MIPOL1: variants seen among roughly 807,000 people sequenced by gnomAD.
MIPOL1 encodes the protein mirror-image polydactyly 1, also known as mirror-image polydactyly gene 1 protein.
Under a neutral mutation model 60.9 loss-of-function variants are expected in MIPOL1, and 57 were observed. The ratio of observed to expected loss-of-function variants is 0.94; its 90% CI spans 0.76 to 1.17. The LOEUF (loss-of-function observed/expected upper bound fraction) is 1.17, where lower values mean the gene tolerates loss of function less well. Ranked by LOEUF, MIPOL1 falls within the 50% of genes most tolerant of loss-of-function variation. The pLI, the probability that MIPOL1 is intolerant of heterozygous loss-of-function variation, is 0.00. For synonymous variants in MIPOL1, 179 were observed against 168.8 expected (o/e 1.06, Z -0.47); for missense variants, 551 against 511.6 (o/e 1.08, Z -0.74).
At chr14:37,267,231 T>TAATCTC (rs1476228438) in intron 4 of MIPOL1, 62 bp downstream of exon 4, 3 of 1,267,324 alleles carry the variant, frequency 2.4e-6, no homozygotes, top group Non-Finnish European at 2.3e-6. Flanking sequence ...CTCATGCCTG[T>TAATCTC]AATCTCAGCA....
intron 9 of MIPOL1, among the ~76,000 whole-genome samples, chr14:37,353,923 T>C (rs1056760915): frequency 6.6e-6 from 1 of 152,070 alleles, no homozygotes; most frequent in Admixed American, 6.5e-5. Context: ...CTGCTCTGAT[T>C]TTAGTTATTT....
intron 11 of MIPOL1, among the ~76,000 whole-genome samples, chr14:37,490,626 G>A (rs1228640121): frequency 1.3e-5 from 2 of 152,300 alleles, no homozygotes; most frequent in Middle Eastern, 3.4e-3. Context: ...CGAAGACTAT[G>A]GGAAAACCTC....
chr14:37,395,743 C>T lies in MIPOL1; in HGVS notation c.936+26119C>T, dbSNP rs2093359187. 3.9e-5 allele frequency among the ~76,000 whole-genome samples: 6 copies of T among 152,180 alleles called. No homozygotes were observed. The South Asian group carries it at 1.2e-3, about 32-fold the overall frequency. ...CTTCCTCTTTACAGGTTTGTGTGCC[C>T]TTGATTTCTTTCTCTTGTCTGATTG... is the stretch of plus-strand genomic sequence containing the variant. On this transcript the variant is annotated intron_variant, in intron 10 of 12. Transcript: ENST00000684589.
At chr14:37,439,151 G>T (rs746127751) in intron 11 of MIPOL1, among the ~76,000 whole-genome samples, 6 of 152,122 alleles carry the variant, frequency 3.9e-5, no homozygotes, top group Non-Finnish European at 8.8e-5. Flanking sequence ...ATGAACATAC[G>T]TTACTATGTG....
intron 12 of MIPOL1, chr14:37,505,280 C>T (rs1594776171): frequency 6.6e-6 from 1 of 152,186 alleles, no homozygotes; most frequent in Non-Finnish European, 1.5e-5. Flanking sequence ...AATACCAAAG[C>T]CTGTCAGAGA....
At chr14:37,216,853 A>G (rs1967806271) in intron 1 of MIPOL1, among the ~76,000 whole-genome samples, 2 of 152,178 alleles carry the variant, frequency 1.3e-5, no homozygotes, top group African/African-American at 4.8e-5. Flanking sequence ...CAAATGAACA[A>G]TCTAACATTG....
At chr14:37,432,019 A>G (rs1004184922) in intron 11 of MIPOL1, among the ~76,000 whole-genome samples, 3 of 151,954 alleles carry the variant, frequency 2.0e-5, no homozygotes, top group Non-Finnish European at 4.4e-5. Context: ...TATTTTGTGC[A>G]CTCCCAAAAT....
chr14:37,337,369 T>A (rs1471662405), intron 9 of MIPOL1, among the ~76,000 whole-genome samples: 17 of 97,110 alleles, frequency 1.8e-4, no homozygotes, highest in Non-Finnish European at 2.9e-4. Context: ...TTTTTTTTTT[T>A]TTTTTTTTTT....
intron 3 of MIPOL1, chr14:37,265,057 T>TC (rs2082776007): frequency 6.6e-6 from 1 of 152,172 alleles, no homozygotes; most frequent in Non-Finnish European, 1.5e-5. Flanking sequence ...GAAATTTTCT[T>TC]CCGACTATAA....
chr14:37,483,683 T>C (rs2153600312), intron 11 of MIPOL1, among the ~76,000 whole-genome samples: 1 of 152,206 alleles, frequency 6.6e-6, no homozygotes, highest in South Asian at 2.1e-4. Flanking sequence ...TGGCCCAAGC[T>C]GGAGTGCAGT....
intron 3 of MIPOL1, among the ~76,000 whole-genome samples, chr14:37,260,240 TAAA>T (rs754422554): frequency 2.5e-5 from 3 of 121,234 alleles, no homozygotes; most frequent in African/African-American, 3.0e-5. Flanking sequence ...AGATCTCATC[TAAA>T]AAAAAAAAAA....
intron 7 of MIPOL1, among the ~76,000 whole-genome samples, chr14:37,295,935 A>G (rs2085622209): frequency 6.6e-6 from 1 of 152,184 alleles, no homozygotes; most frequent in Admixed American, 6.6e-5. Flanking sequence ...AATTGAACTC[A>G]GCTCTGCACC....
chr14:37,473,377 A>G (rs1341510266), intron 11 of MIPOL1, among the ~76,000 whole-genome samples: 1 of 151,978 alleles, frequency 6.6e-6, no homozygotes, highest in Non-Finnish European at 1.5e-5. Context: ...TTTTTCTTTA[A>G]AACGACCCCG....
intron 9 of MIPOL1, among the ~76,000 whole-genome samples, chr14:37,359,715 A>G (rs542181526): frequency 6.6e-6 from 1 of 152,310 alleles, no homozygotes; most frequent in African/African-American, 2.4e-5. Flanking sequence ...TATCAACTTA[A>G]GGAGATTTTG....
intron 11 of MIPOL1, among the ~76,000 whole-genome samples, chr14:37,443,248 C>G (rs2153567855): frequency 6.6e-6 from 1 of 151,846 alleles, no homozygotes; most frequent in East Asian, 1.9e-4. Flanking sequence ...AGCTTTAGAC[C>G]AGGAGTTTGA....
intron 10 of MIPOL1, among the ~76,000 whole-genome samples, chr14:37,380,273 C>G (rs2092890396): frequency 6.6e-6 from 1 of 152,084 alleles, no homozygotes; most frequent in African/African-American, 2.4e-5. Context: ...TGTTCCCTTG[C>G]CAGCCTTTGT....
intron 1 of MIPOL1, among the ~76,000 whole-genome samples, chr14:37,226,624 T>C (rs978054405): frequency 3.3e-5 from 5 of 152,132 alleles, no homozygotes; most frequent in African/African-American, 1.2e-4. Flanking sequence ...TCAAGATGAC[T>C]TTTGGGTGGG....
intron 6 of MIPOL1, among the ~76,000 whole-genome samples, chr14:37,284,622 C>T (rs537234142): frequency 5.9e-5 from 9 of 152,138 alleles, no homozygotes; most frequent in Admixed American, 2.0e-4. Flanking sequence ...GGATTACAGG[C>T]GTGAGCCATT....
At chr14:37,449,362 T>C (rs1359559330) in intron 11 of MIPOL1, among the ~76,000 whole-genome samples, 1 of 152,162 alleles carries the variant, frequency 6.6e-6, no homozygotes, top group Non-Finnish European at 1.5e-5. Flanking sequence ...GTATAAACAT[T>C]GACATAATGT....
Sources: gnomAD v4.1 joint callset for allele counts (sites outside exome capture counted in the v4.1 genomes callset) on GRCh38, gnomAD v4.1.1 for gene constraint, MANE v1.5 for transcripts, NCBI Gene and HGNC (gene_info 2026-07-23, HGNC 2026-07-21) for gene names.